Variants in ELOVL7 observed in about 807,000 individuals in gnomAD.
The protein encoded by ELOVL7 is ELOVL fatty acid elongase 7, also known as very long chain fatty acid elongase 7.
ELOVL7 carries 27 observed loss-of-function variants against 35.7 expected under a neutral mutation model. That is an observed-to-expected ratio of 0.76 (90% CI 0.56 to 1.04). The LOEUF (loss-of-function observed/expected upper bound fraction) is 1.04. ELOVL7 is among the 50% of genes least tolerant of loss of function. The probability of loss-of-function intolerance (pLI) is 0.00; values close to 1 mark genes in which losing one functional copy is unlikely to be tolerated. For synonymous variants in ELOVL7, 113 were observed against 114.6 expected, an observed-to-expected ratio of 0.99 and a Z score of 0.09; for missense variants, 327 against 340.8, an observed-to-expected ratio of 0.96 and a Z score of 0.32.
At chr5:60,759,784 T>C (rs10073959) in intron 7 of ELOVL7, among the ~76,000 whole-genome samples, 41,366 of 151,322 alleles carry the variant, frequency 0.27, 9,438 homozygotes, top group African/African-American at 0.63. Flanking sequence ...GCTATCCCTC[T>C]CCCGTCCCCC....
intron 1 of ELOVL7, among the ~76,000 whole-genome samples, chr5:60,840,926 A>G (rs1479424103): frequency 6.6e-6 from 1 of 152,184 alleles, no homozygotes; most frequent in African/African-American, 2.4e-5. Flanking sequence ...TATAATTACT[A>G]GAATACAAAC....
At chr5:60,756,381 A>AT (rs1741540629) in intron 8 of ELOVL7, among the ~76,000 whole-genome samples, 1 of 152,064 alleles carries the variant, frequency 6.6e-6, no homozygotes, top group Non-Finnish European at 1.5e-5. Flanking sequence ...AATTCCATGT[A>AT]TTTTTTTCTC....
At chr5:60,774,764 C>A (rs997063233) in intron 3 of ELOVL7, among the ~76,000 whole-genome samples, 1 of 136,728 alleles carries the variant, frequency 7.3e-6, no homozygotes, top group Non-Finnish European at 1.6e-5. Context: ...ATAAAACTCT[C>A]TTTTTTTTTT....
At chr5:60,762,099 T>C (rs1243337434) in intron 7 of ELOVL7, among the ~76,000 whole-genome samples, 2 of 151,976 alleles carry the variant, frequency 1.3e-5, no homozygotes, top group Non-Finnish European at 2.9e-5. Flanking sequence ...AAGAAAACTA[T>C]CTTCTACTAT....
At chr5:60,773,159 T>G (rs1250532619) in intron 3 of ELOVL7, among the ~76,000 whole-genome samples, 1 of 152,166 alleles carries the variant, frequency 6.6e-6, no homozygotes, top group Admixed American at 6.5e-5. Context: ...TTTCTAGTAG[T>G]TCAGGTTTAA....
chr5:60,777,382 T>TA (rs145182645), intron 3 of ELOVL7, among the ~76,000 whole-genome samples: 1 of 150,744 alleles, frequency 6.6e-6, no homozygotes, highest in African/African-American at 2.4e-5. Flanking sequence ...CCGCAAAAAT[T>TA]AAAAAAAAAA....
chr5:60,763,243 G>A (rs1229797449), intron 7 of ELOVL7, among the ~76,000 whole-genome samples: 1 of 152,208 alleles, frequency 6.6e-6, no homozygotes, highest in Non-Finnish European at 1.5e-5. Flanking sequence ...GTTTACTCAT[G>A]ATTCACAGCC....
At chr5:60,801,925 C>T (rs1308629481) in intron 1 of ELOVL7, among the ~76,000 whole-genome samples, 1 of 151,686 alleles carries the variant, frequency 6.6e-6, no homozygotes, top group African/African-American at 2.4e-5. Flanking sequence ...CTGAGGGCTG[C>T]ACTGTTGGCT....
intron 3 of ELOVL7, among the ~76,000 whole-genome samples, chr5:60,784,910 A>G (rs1436370910): frequency 6.6e-6 from 1 of 152,246 alleles, no homozygotes; most frequent in Non-Finnish European, 1.5e-5. Context: ...GAATTTTCAG[A>G]TGAAATCTAT....
intron 3 of ELOVL7, chr5:60,784,190 CA>C (rs776889558): frequency 4.9e-5 from 71 of 1,439,850 alleles, no homozygotes; most frequent in Non-Finnish European, 6.2e-5. Context: ...TTTAAGATTC[CA>C]AGTACTAATG....
chr5:60,837,315 T>TGGGGGGGGGGGGGGGGGGGG (rs1227317155), intron 1 of ELOVL7, among the ~76,000 whole-genome samples: 11 of 24,514 alleles, frequency 4.5e-4, no homozygotes, highest in Admixed American at 5.4e-4. Context: ...GGCGGGGGGG[T>TGGGGGGGGGGGGGGGGGGGG]GGGGGGGGAG....
rs150018348 is a variant in ELOVL7 at position 60,790,242 on chromosome 5, A to C, written c.-34-2811T>G. Among the ~76,000 whole-genome samples the C allele has an allele frequency of 1.2e-4, 18 of 152,352 alleles. 3 individuals carry two copies. The East Asian group carries it at 3.5e-3, about 29-fold the overall frequency. On this transcript the variant is annotated intron_variant, in intron 2 of 8. Transcript: ENST00000508821. ...TATGAATATAATTTTACATTTACTC[A>C]TAGTTGTATAAAAGGAACTCTTAAG...
intron 1 of ELOVL7, among the ~76,000 whole-genome samples, chr5:60,835,624 G>C (rs1016554367): frequency 6.6e-6 from 1 of 151,768 alleles, no homozygotes; most frequent in Admixed American, 6.6e-5. Flanking sequence ...TGTTGCCCAG[G>C]CTCGTCTTCA....
chr5:60,781,124 A>T (rs1279852696), intron 3 of ELOVL7, among the ~76,000 whole-genome samples: 2 of 151,654 alleles, frequency 1.3e-5, no homozygotes, highest in Non-Finnish European at 2.9e-5. Flanking sequence ...GCATGAGAAG[A>T]GCCTGAACCC....
intron 3 of ELOVL7, among the ~76,000 whole-genome samples, chr5:60,776,060 G>A (rs1742882790): frequency 6.6e-6 from 1 of 152,146 alleles, no homozygotes. Context: ...TGGACTGGGA[G>A]AAAACACAAA....
intron 1 of ELOVL7, among the ~76,000 whole-genome samples, chr5:60,832,664 G>A (rs1487778061): frequency 6.6e-6 from 1 of 152,124 alleles, no homozygotes; most frequent in Admixed American, 6.5e-5. Flanking sequence ...GCGCCCAGCC[G>A]GAATTTTTTT....
chr5:60,840,016 A>G (rs1464887424), intron 1 of ELOVL7, among the ~76,000 whole-genome samples: 9 of 152,110 alleles, frequency 5.9e-5, no homozygotes, highest in Admixed American at 5.9e-4. Flanking sequence ...AGAAAAGAGC[A>G]TCCTTCTGTA....
At chr5:60,793,615 G>C (rs1744073014) in intron 2 of ELOVL7, among the ~76,000 whole-genome samples, 1 of 152,170 alleles carries the variant, frequency 6.6e-6, no homozygotes, top group African/African-American at 2.4e-5. Context: ...CTGCTAAGGG[G>C]ATGTGGACCT....
intron 3 of ELOVL7, chr5:60,784,106 T>A (rs1220563711): frequency 6.8e-7 from 1 of 1,466,044 alleles, no homozygotes; most frequent in Admixed American, 2.0e-5. Flanking sequence ...AGAATATTAA[T>A]GGGCTTTTCC....
Sources: allele counts gnomAD v4.1 joint callset (sites outside exome capture counted in the v4.1 genomes callset), GRCh38; gene constraint gnomAD v4.1.1; transcripts MANE v1.5; gene names NCBI Gene and HGNC (gene_info 2026-07-23, HGNC 2026-07-21).